TNRC18: variants seen among roughly 807,000 people sequenced by gnomAD.
TNRC18 encodes trinucleotide repeat containing 18, also known as trinucleotide repeat-containing gene 18 protein.
TNRC18 carries 69 observed loss-of-function variants against 226.7 expected under a neutral mutation model. The observed-to-expected ratio is 0.30, with a 90% CI of 0.25 to 0.37. The LOEUF is 0.37. TNRC18 is among the 10% of genes least tolerant of loss of function. TNRC18 has a pLI of 1.00. For missense variants in TNRC18, 4,754 were observed against 4,256.6 expected (o/e 1.12, Z -3.25); for synonymous variants, 2,449 against 1,927.6 (o/e 1.27, Z -7.09).
intron 18 of TNRC18, among the ~76,000 whole-genome samples, chr7:5,336,012 G>T (rs185717179): frequency 8.9e-4 from 135 of 152,016 alleles, no homozygotes; most frequent in African/African-American, 3.0e-3. Flanking sequence ...TTTGAGACCA[G>T]CCTGGCCAAC....
At chr7:5,408,648 CAGAA>C (rs1459434798) in intron 2 of TNRC18, among the ~76,000 whole-genome samples, 2 of 151,758 alleles carry the variant, frequency 1.3e-5, no homozygotes, top group African/African-American at 2.4e-5. Context: ...TCTCAAAAAA[CAGAA>C]AGAAAAAAAA....
chr7:5,374,044 C>G lies in TNRC18; in HGVS notation c.3229+11G>C. On this transcript the variant is annotated intron_variant, in intron 10 of 29. Coordinates refer to ENST00000430969, the MANE Select transcript of TNRC18 (RefSeq NM_001080495.3). ...CAGAGTGAGACCCTGAGGGTCTCAGCTGCATCCTACCTGAGAACAGGGCCT... is the reference window on the plus strand; with the variant it reads ...CAGAGTGAGACCCTGAGGGTCTCAGGTGCATCCTACCTGAGAACAGGGCCT... 1 of 1,541,280 alleles carries G rather than the reference C, an allele frequency of 6.5e-7. No individual in the cohort carries two copies. Among genetic ancestry groups the G allele is most frequent in the Non-Finnish European group, 8.7e-7 (1 of 1,150,104 alleles).
At chr7:5,397,355 A>G (rs766835626) in intron 2 of TNRC18, among the ~76,000 whole-genome samples, 3 of 152,198 alleles carry the variant, frequency 2.0e-5, no homozygotes, top group African/African-American at 2.4e-5. Context: ...CTAATGGCCC[A>G]GGCCGGCCCC....
chr7:5,370,854 AC>A lies in TNRC18; in HGVS notation c.3739del (p.Val1247CysfsTer3). ...CACCAGTGTCTCGGGTGTCAGCTGC[AC>A]CCCCAGGTCCAGGGCGGCGGTGCAG... ...EPCTAALDLG[V>X]QLTPETLVEA... On this transcript the variant is annotated frameshift_variant, in exon 11 of 30. Coordinates refer to ENST00000430969, the MANE Select transcript of TNRC18 (RefSeq NM_001080495.3). LOFTEE classifies it high-confidence loss of function. The A allele has an allele frequency of 6.2e-7, 1 of 1,608,254 alleles. No homozygotes were observed.
chr7:5,363,175 C>T (rs1032001031), intron 11 of TNRC18, among the ~76,000 whole-genome samples: 7 of 152,126 alleles, frequency 4.6e-5, no homozygotes, highest in Non-Finnish European at 7.3e-5. Context: ...TAGTGGCACA[C>T]GCCTGGAATC....
At chr7:5,343,723 G>A (rs1187493574) in intron 18 of TNRC18, among the ~76,000 whole-genome samples, 1 of 152,150 alleles carries the variant, frequency 6.6e-6, no homozygotes, top group African/African-American at 2.4e-5. Context: ...CACCGTGCAT[G>A]GCCAATAATC....
chr7:5,325,322 T>G lies in TNRC18; in HGVS notation c.6148-74A>C. ...CAGGCAGCACCCCTGTCCCCCTCAC[T>G]CACTCACCCCCAAGTTCTGTGCCAC... On this transcript the variant is annotated intron_variant, in intron 19 of 29. Coordinates refer to ENST00000430969, the MANE Select transcript of TNRC18 (RefSeq NM_001080495.3). 2.0e-6 allele frequency: 3 copies of G among 1,501,058 alleles called. No homozygotes were observed. In the South Asian group the frequency reaches 3.7e-5, roughly 18 times the overall value. 93.0% of individuals were successfully genotyped at this position (1,501,058 alleles called of 1,614,324 possible).
chr7:5,404,766 G>A (rs1272712264), intron 2 of TNRC18, among the ~76,000 whole-genome samples: 2 of 140,080 alleles, frequency 1.4e-5, no homozygotes, highest in Non-Finnish European at 3.2e-5. Context: ...CACTTTCAGT[G>A]TGTGTGTGTG....
chr7:5,389,181 C>G lies in TNRC18; in HGVS notation c.643G>C (p.Glu215Gln), dbSNP rs1488849519. ...PAKERAGRGG[E>Q]PPPLFGKKDP... ...TTCTTGCCGAAAAGCGGAGGCGGCT[C>G]CCCGCCGCGGCCCGCCCGCTCCTTG... The change falls in exon 5 of 30, where the codon GAG (glutamate) becomes CAG (glutamine). Residue 215 changes from glutamate to glutamine, a missense_variant. Transcript: ENST00000430969. The G allele has an allele frequency of 7.6e-7, 1 of 1,319,482 alleles. No individual in the cohort carries two copies. Among genetic ancestry groups the G allele is most frequent in the Non-Finnish European group, 9.6e-7 (1 of 1,036,670 alleles). 81.7% of individuals were successfully genotyped at this position (1,319,482 alleles called of 1,614,324 possible).
chr7:5,340,347 C>G (rs1034230706), intron 18 of TNRC18, among the ~76,000 whole-genome samples: 3 of 152,176 alleles, frequency 2.0e-5, no homozygotes, highest in Non-Finnish European at 4.4e-5. Context: ...CACAGCAAGG[C>G]CCCAACTCTC....
chr7:5,322,210 A>G (rs1788446606), intron 21 of TNRC18, among the ~76,000 whole-genome samples: 1 of 151,908 alleles, frequency 6.6e-6, no homozygotes, highest in South Asian at 2.1e-4. Flanking sequence ...CCTGGGAGGC[A>G]GAGGCTGCAG....
At chr7:5,349,464 T>C (rs759495634) in intron 17 of TNRC18, among the ~76,000 whole-genome samples, 8 of 152,200 alleles carry the variant, frequency 5.3e-5, no homozygotes, top group Non-Finnish European at 7.3e-5. Context: ...AAAAAAGATC[T>C]TGGCTCAGGA....
In TNRC18 at chr7:5,390,568, G is replaced by A; in HGVS notation, c.404C>T (p.Pro135Leu). The A allele has an allele frequency of 1.2e-6, 2 of 1,613,092 alleles. No individual in the cohort carries two copies. Among genetic ancestry groups the A allele is most frequent in the Non-Finnish European group, 1.7e-6 (2 of 1,179,534 alleles). The change falls in exon 4 of 30, where the codon CCC becomes CTC. Residue 135 changes from proline to leucine, a missense_variant. Coordinates refer to ENST00000430969, the MANE Select transcript of TNRC18 (RefSeq NM_001080495.3). ...PSYLHLNHLEPPSSGSPLLSQ... is the reference protein window; with the variant it reads ...PSYLHLNHLELPSSGSPLLSQ... ...GAGGAGGGGGCTCCCACTGCTGGGGGGCTCCAGGTGGTTCAGGTGGAGGTA... is the reference window on the plus strand; with the variant it reads ...GAGGAGGGGGCTCCCACTGCTGGGGAGCTCCAGGTGGTTCAGGTGGAGGTA...
intron 17 of TNRC18, among the ~76,000 whole-genome samples, chr7:5,346,459 G>A (rs1375222426): frequency 6.6e-6 from 1 of 152,130 alleles, no homozygotes; most frequent in Non-Finnish European, 1.5e-5. Context: ...TCGCATCACT[G>A]CACTCCAGCC....
chr7:5,345,613 G>C lies in TNRC18; in HGVS notation c.5668C>G (p.Leu1890Val). Residue 1890 changes from leucine (L) to valine (V), a missense_variant, in exon 18 of 30, where the codon CTG becomes GTG. Physicochemically the swap from Leu to Val is conservative, Grantham distance 32. Coordinates refer to ENST00000430969, the MANE Select transcript of TNRC18 (RefSeq NM_001080495.3). Reference protein sequence around the residue: ...TVGPSLSVVQLEAKQKARKKE... With the variant: ...TVGPSLSVVQVEAKQKARKKE... ...TTCCGGGCCTTCTGCTTGGCCTCCA[G>C]CTGTACCACAGACAGGGATGGACCC... 6.4e-7 allele frequency: 1 copy of C among 1,551,708 alleles called. No individual in the cohort carries two copies. The highest frequency in any genetic ancestry group is 8.7e-7 in the Non-Finnish European group (1 of 1,148,046).
rs116929984 is a variant in TNRC18, at chr7:5,377,978, G to C, written c.2199C>G (p.His733Gln). The change falls in exon 6 of 30, where the codon CAC becomes CAG. Residue 733 changes from histidine to glutamine, a missense_variant. By Grantham distance (24) the His-to-Gln change is conservative. Coordinates refer to ENST00000430969, the MANE Select transcript of TNRC18 (RefSeq NM_001080495.3). The surrounding 1 kb of genome is among the most constrained non-coding windows in gnomAD (Gnocchi z 5.8). ...GTGCCCCGAGCAGCCGTTCCTCCCG[G>C]TGTCTGGCCCGGTCGTCCACACAGT... ...DEDCVDDRAR[H>Q]REERLLGARL... 2.5e-6 allele frequency: 4 copies of C among 1,613,160 alleles called. No individual in the cohort carries two copies. Among genetic ancestry groups the C allele is most frequent in the South Asian group, 2.2e-5 (2 of 91,066 alleles).
At chr7:5,382,458 C>G (rs1007186133) in intron 5 of TNRC18, among the ~76,000 whole-genome samples, 1 of 152,326 alleles carries the variant, frequency 6.6e-6, no homozygotes, top group East Asian at 1.9e-4. Flanking sequence ...CCAAGGCTCA[C>G]GCAGAGGCCC....
chr7:5,387,581 T>A (rs186192120), intron 5 of TNRC18, 91 bp downstream of exon 5: 1 of 1,514,210 alleles, frequency 6.6e-7, no homozygotes, highest in African/African-American at 1.4e-5. Context: ...GACTTAGCAA[T>A]AGCAAAGGGA....
In TNRC18 at chr7:5,309,708, TC is replaced by T. The variant is rs1352864261; in HGVS notation, c.8389-341del. 2.0e-5 allele frequency among the ~76,000 whole-genome samples: 3 copies of T among 152,090 alleles called. No homozygotes were observed. The highest frequency in any genetic ancestry group is 7.2e-5 in the African/African-American group (3 of 41,424). ...GCCACGAACTCCTAGACTCAAGAAA[TC>T]CTCTCCCACCTCAGCCTCTGAGGAG... On this transcript the variant is annotated intron_variant, in intron 27 of 29. Coordinates refer to ENST00000430969, the MANE Select transcript of TNRC18 (RefSeq NM_001080495.3). The surrounding 1 kb of genome is among the most constrained non-coding windows in gnomAD (Gnocchi z 5.7).
Sources: gnomAD v4.1 joint callset for allele counts (sites outside exome capture counted in the v4.1 genomes callset) on GRCh38, gnomAD v4.1.1 for gene constraint, Gnocchi (gnomAD v3.1) non-coding constraint, MANE v1.5 for transcripts, NCBI Gene and HGNC (gene_info 2026-07-23, HGNC 2026-07-21) for gene names.